TMEM163: variants seen among roughly 807,000 people sequenced by gnomAD.
The protein encoded by TMEM163 is transmembrane protein 163.
TMEM163 carries 17 observed loss-of-function variants against 29.3 expected under a neutral mutation model. The ratio of observed to expected loss-of-function variants is 0.58; its 90% confidence interval spans 0.40 to 0.87. The LOEUF is 0.87. TMEM163 is among the 40% of genes least tolerant of loss of function. The probability of loss-of-function intolerance (pLI) is 0.00; values close to 1 mark genes in which losing one functional copy is unlikely to be tolerated. For synonymous variants in TMEM163, 157 were observed against 160.6 expected (o/e 0.98, Z 0.17); for missense variants, 303 against 381.5 (o/e 0.79, Z 1.71).
At chr2:134,657,087 C>CCG (rs60481704) in intron 2 of TMEM163, among the ~76,000 whole-genome samples, 22,661 of 152,076 alleles carry the variant, frequency 0.15, 2,471 homozygotes, top group African/African-American at 0.31. Flanking sequence ...GATTTTATAT[C>CCG]AGTGATGCTG....
rs950134263 is a variant in TMEM163 at position 134,669,213 on chromosome 2, C to A, written c.322+43987G>T. Among the ~76,000 whole-genome samples, 6 of 152,220 alleles carry A rather than the reference C, an allele frequency of 3.9e-5. No homozygotes were observed. In the East Asian group the frequency reaches 5.8e-4, roughly 15 times the overall value. On this transcript the variant is annotated intron_variant, in intron 2 of 7. Transcript: ENST00000281924. ...ACAGCAAATACGAACCCTCTTGATA[C>A]CCACTCATGTGTTCCTGAGCTTCTG...
intron 2 of TMEM163, among the ~76,000 whole-genome samples, chr2:134,661,359 G>A (rs960079503): frequency 5.9e-5 from 9 of 152,132 alleles, no homozygotes; most frequent in African/African-American, 1.4e-4. Flanking sequence ...ATAGCAACAC[G>A]AAACAAACTC....
chr2:134,664,264 TTC>T (rs1166126378), intron 2 of TMEM163, among the ~76,000 whole-genome samples: 1 of 152,184 alleles, frequency 6.6e-6, no homozygotes, highest in African/African-American at 2.4e-5. Flanking sequence ...AGTGGACAGT[TTC>T]CACTTACAGG....
intron 2 of TMEM163, among the ~76,000 whole-genome samples, chr2:134,669,887 C>T (rs765151982): frequency 6.6e-6 from 1 of 152,098 alleles, no homozygotes; most frequent in Non-Finnish European, 1.5e-5. Flanking sequence ...TTCCAGCCCC[C>T]GGTTGTTCAA....
chr2:134,693,615 A>G (rs1391216632), intron 2 of TMEM163, among the ~76,000 whole-genome samples: 1 of 151,820 alleles, frequency 6.6e-6, no homozygotes, highest in African/African-American at 2.4e-5. Context: ...CATCAAAAAA[A>G]AAAAAAAAAA....
intron 2 of TMEM163, among the ~76,000 whole-genome samples, chr2:134,666,310 C>T (rs926461374): frequency 6.6e-6 from 1 of 151,032 alleles, no homozygotes; most frequent in Non-Finnish European, 1.5e-5. Flanking sequence ...CTCCCTGGCA[C>T]AGCCTAGAAA....
At chr2:134,619,735 A>G (rs1299147199) in intron 2 of TMEM163, among the ~76,000 whole-genome samples, 1 of 152,252 alleles carries the variant, frequency 6.6e-6, no homozygotes, top group Non-Finnish European at 1.5e-5. Context: ...AAGCAAAAGC[A>G]ATTAAAGGCA....
chr2:134,489,575 C>CA (rs34513401), intron 5 of TMEM163, among the ~76,000 whole-genome samples: 2,152 of 129,936 alleles, frequency 0.017, 80 homozygotes, highest in Admixed American at 0.089. Context: ...GACTCTCTCT[C>CA]AAAAAAAAAA....
intron 4 of TMEM163, among the ~76,000 whole-genome samples, chr2:134,537,595 C>T (rs778303224): frequency 7.9e-5 from 12 of 152,220 alleles, no homozygotes; most frequent in Non-Finnish European, 1.8e-4. Context: ...TCAGGGAAGA[C>T]ATAAACACCC....
intron 5 of TMEM163, among the ~76,000 whole-genome samples, chr2:134,479,120 C>T (rs940835888): frequency 2.0e-5 from 3 of 152,216 alleles, no homozygotes; most frequent in Non-Finnish European, 2.9e-5. Flanking sequence ...GATCTTGAAC[C>T]TCCCAACCTC....
intron 5 of TMEM163, among the ~76,000 whole-genome samples, chr2:134,475,383 A>T (rs1686890706): frequency 6.6e-6 from 1 of 152,200 alleles, no homozygotes. Flanking sequence ...TGGACTGCAG[A>T]TCTCAAAGTG....
At chr2:134,663,726 C>T (rs991586681) in intron 2 of TMEM163, among the ~76,000 whole-genome samples, 4 of 152,262 alleles carry the variant, frequency 2.6e-5, no homozygotes, top group African/African-American at 9.6e-5. Flanking sequence ...ATTGTCTCCA[C>T]CCAACAGGTG....
rs749459712 is a variant in TMEM163 at position 134,483,527 on chromosome 2, A to G, written c.556-17302T>C. Among the ~76,000 whole-genome samples the G allele has an allele frequency of 9.1e-4, 139 of 152,276 alleles. 2 individuals carry two copies. Among genetic ancestry groups the G allele is most frequent in the Middle Eastern group, 6.8e-3 (2 of 294 alleles). On this transcript the variant is annotated intron_variant, in intron 5 of 7. Coordinates refer to ENST00000281924, the MANE Select transcript of TMEM163 (RefSeq NM_030923.5). ...AAGCCCATACTATTATTTAATGCCCATTAGAAAGGAGGCTCTTTTCCAAAT... is the reference window on the plus strand; with the variant it reads ...AAGCCCATACTATTATTTAATGCCCGTTAGAAAGGAGGCTCTTTTCCAAAT...
At chr2:134,600,805 C>A (rs1365170944) in intron 2 of TMEM163, among the ~76,000 whole-genome samples, 1 of 152,182 alleles carries the variant, frequency 6.6e-6, no homozygotes, top group Non-Finnish European at 1.5e-5. Context: ...ACCATGACTG[C>A]AGCAGCTCAG....
At position 134,680,885 on chromosome 2, in the gene TMEM163, T is replaced by G. The variant is rs562964574; in HGVS notation, c.322+32315A>C. Among the ~76,000 whole-genome samples the G allele has an allele frequency of 2.6e-5, 4 of 152,298 alleles. No individual in the cohort carries two copies. The East Asian group carries it at 7.7e-4, about 29-fold the overall frequency. ...CCTCCATTTCTCTGTGGAGTTGTCA[T>G]GAGAATTACACAAAAGCACATGAAG... On this transcript the variant is annotated intron_variant, in intron 2 of 7. Transcript: ENST00000281924.
At chr2:134,610,848 G>A (rs1187047510) in intron 2 of TMEM163, among the ~76,000 whole-genome samples, 1 of 152,150 alleles carries the variant, frequency 6.6e-6, no homozygotes, top group African/African-American at 2.4e-5. Flanking sequence ...ATGTGAGTGT[G>A]GGGGTAGAGC....
intron 2 of TMEM163, among the ~76,000 whole-genome samples, chr2:134,552,569 G>A (rs1680954210): frequency 6.6e-6 from 1 of 151,090 alleles, no homozygotes. Context: ...AGAAAAGAGT[G>A]ACAAATGATC....
chr2:134,687,116 G>C (rs1684366334), intron 2 of TMEM163, among the ~76,000 whole-genome samples: 1 of 152,210 alleles, frequency 6.6e-6, no homozygotes, highest in Non-Finnish European at 1.5e-5. Context: ...TAGTCAGAAA[G>C]AAAGCGAGTT....
At chr2:134,477,954 T>A (rs1429117458) in intron 5 of TMEM163, among the ~76,000 whole-genome samples, 2 of 152,194 alleles carry the variant, frequency 1.3e-5, no homozygotes, top group Non-Finnish European at 2.9e-5. Flanking sequence ...GGAGGTGACT[T>A]GATCATGGGG....
Sources: gnomAD v4.1 joint callset for allele counts (sites outside exome capture counted in the v4.1 genomes callset) on GRCh38, gnomAD v4.1.1 for gene constraint, MANE v1.5 for transcripts, NCBI Gene and HGNC (gene_info 2026-07-23, HGNC 2026-07-21) for gene names.